TGM3: variants seen among roughly 807,000 people sequenced by gnomAD.
TGM3 encodes the protein protein-glutamine gamma-glutamyltransferase E.
TGM3 carries 52 observed loss-of-function variants against 73.8 expected under a neutral mutation model. That is an observed-to-expected ratio of 0.70 (90% CI 0.56 to 0.89). TGM3 has a LOEUF of 0.89. Ranked by LOEUF, TGM3 falls within the 40% of genes least tolerant of loss-of-function variation. The pLI is 0.00. For missense variants in TGM3, 928 were observed against 909.9 expected, an observed-to-expected ratio of 1.02 and a Z score of -0.26; for synonymous variants, 372 against 354.9, an observed-to-expected ratio of 1.05 and a Z score of -0.54.
At chr20:2,313,707 T>C (rs2084219209) in intron 5 of TGM3, among the ~76,000 whole-genome samples, 1 of 152,180 alleles carries the variant, frequency 6.6e-6, no homozygotes, top group South Asian at 2.1e-4. Flanking sequence ...AGAAGGCATC[T>C]ATGGCTCTGC....
At chr20:2,331,254 C>T (rs1158241491) in intron 9 of TGM3, among the ~76,000 whole-genome samples, 1 of 152,070 alleles carries the variant, frequency 6.6e-6, no homozygotes. Flanking sequence ...GGCTTGCAGT[C>T]GGTTACTCAG....
At chr20:2,324,055 T>C (rs1380378553) in intron 7 of TGM3, among the ~76,000 whole-genome samples, 1 of 152,244 alleles carries the variant, frequency 6.6e-6, no homozygotes, top group Non-Finnish European at 1.5e-5. Flanking sequence ...TTGATTTTTT[T>C]CAATCATTTG....
chr20:2,318,194 A>G (rs1285563906), intron 7 of TGM3, among the ~76,000 whole-genome samples: 1 of 151,896 alleles, frequency 6.6e-6, no homozygotes, highest in African/African-American at 2.4e-5. Flanking sequence ...TAATTTTTGT[A>G]TTTTAGTAGA....
intron 4 of TGM3, 27 bp downstream of exon 4, chr20:2,311,156 G>A (rs1476089217): frequency 4.4e-6 from 7 of 1,587,980 alleles, no homozygotes; most frequent in Admixed American, 3.3e-5. Context: ...GAAGCTAAGG[G>A]TAATGTCCCT....
rs1057023384 is a variant in TGM3 at position 2,328,457 on chromosome 20, C to G, written c.1333+92C>G. On this transcript the variant is annotated intron_variant, in intron 9 of 12. Coordinates refer to ENST00000381458, the MANE Select transcript of TGM3 (RefSeq NM_003245.4). This position sits in a 1 kb window ranked among gnomAD's most constrained non-coding sequence, Gnocchi z 5.2. ...GAGAGGAGAAAAGTCCTCACCTCCC[C>G]CGCACTGGCAGCCAGTTCTGCCTGA... 15 of 1,528,340 alleles carry G rather than the reference C, an allele frequency of 9.8e-6. No individual in the cohort carries two copies. The South Asian group carries it at 1.7e-4, about 18-fold the overall frequency. The allele number at this position is 1,528,340 out of a possible 1,614,324, so 94.7% of individuals were successfully genotyped here.
intron 1 of TGM3, 150 bp from the exon 2 acceptor site, chr20:2,309,507 G>T (rs948621487): frequency 2.7e-6 from 2 of 745,494 alleles, no homozygotes; most frequent in African/African-American, 1.7e-5. Flanking sequence ...CAAGATCAAG[G>T]TCTTTGGATT....
At chr20:2,309,891 C>T in intron 2 of TGM3, 61 bp downstream of exon 2, 1 of 1,599,524 alleles carries the variant, frequency 6.3e-7, no homozygotes, top group African/African-American at 1.3e-5. Flanking sequence ...CTTGTTCATT[C>T]AAGGACTGAC....
intron 11 of TGM3, among the ~76,000 whole-genome samples, chr20:2,336,580 C>G (rs949216505): frequency 6.7e-6 from 1 of 149,214 alleles, no homozygotes; most frequent in Non-Finnish European, 1.5e-5. Context: ...GATGCTGGCT[C>G]TGATGCCGGG....
rs769875976 is a variant in TGM3, at chr20:2,332,203, C to T, written c.1535C>T (p.Thr512Met). The change falls in exon 10 of 13, where the codon ACG (threonine) becomes ATG (methionine). Residue 512 changes from threonine to methionine, a missense_variant. Transcript: ENST00000381458. This position sits in a 1 kb window ranked among gnomAD's most constrained non-coding sequence, Gnocchi z 4.4. ...CTGCTCAAAAACCTGAGCAGGGATACGAAGACAGTGACAGTGAACATGACA... is the reference window on the plus strand; with the variant it reads ...CTGCTCAAAAACCTGAGCAGGGATATGAAGACAGTGACAGTGAACATGACA... The part of the protein sequence containing the change: ...VLLLKNLSRD[T>M]KTVTVNMTAW... The T allele has an allele frequency of 1.5e-5, 25 of 1,613,892 alleles. No individual in the cohort carries two copies. In the South Asian group the frequency reaches 1.9e-4, roughly 12 times the overall value.
chr20:2,332,860 G>T lies in TGM3; in HGVS notation c.1642+550G>T, dbSNP rs190468863. Among the ~76,000 whole-genome samples, 37 of 152,260 alleles carry T rather than the reference G, an allele frequency of 2.4e-4. No individual in the cohort carries two copies. The highest frequency in any genetic ancestry group is 2.0e-3 in the Admixed American group (30 of 15,288). On this transcript the variant is annotated intron_variant, in intron 10 of 12. Coordinates refer to ENST00000381458, the MANE Select transcript of TGM3 (RefSeq NM_003245.4). The surrounding 1 kb of genome is among the most constrained non-coding windows in gnomAD (Gnocchi z 4.4). ...GCTTTTCAAATTTGACCTCAGGAGG[G>T]TGGCAATGACCACGGGACCCTAAAC...
At chr20:2,321,087 C>T (rs1187489125) in intron 7 of TGM3, among the ~76,000 whole-genome samples, 1 of 152,200 alleles carries the variant, frequency 6.6e-6, no homozygotes, top group Non-Finnish European at 1.5e-5. Flanking sequence ...TCCACTAATC[C>T]TGAACTGGCT....
At chr20:2,331,049 A>G (rs944854773) in intron 9 of TGM3, among the ~76,000 whole-genome samples, 4 of 151,910 alleles carry the variant, frequency 2.6e-5, no homozygotes, top group Non-Finnish European at 5.9e-5. Flanking sequence ...AAAATAAAAA[A>G]AGAAAAGAAA....
chr20:2,310,175 C>T lies in TGM3; in HGVS notation c.182-3C>T, dbSNP rs764672732. On this transcript the variant is annotated splice_polypyrimidine_tract_variant and splice_region_variant and intron_variant, in intron 2 of 12. Transcript: ENST00000381458. ...TTTTCTCAACCTCTGTCTTCTTTGA[C>T]AGGGCCTTACCCCTCAGAGTCGGCC... 11 of 1,613,926 alleles carry T rather than the reference C, an allele frequency of 6.8e-6. No homozygotes were observed. The African/African-American group carries it at 8.0e-5, about 12-fold the overall frequency.
At chr20:2,296,174 T>C (rs2084105695) in intron 1 of TGM3, 104 bp downstream of exon 1, 1 of 1,426,780 alleles carries the variant, frequency 7.0e-7, no homozygotes, top group Non-Finnish European at 9.6e-7. Context: ...CTGCCTGCCT[T>C]GGGGGCTCTG....
At chr20:2,337,780 T>C (rs1397363704) in intron 11 of TGM3, among the ~76,000 whole-genome samples, 1 of 152,130 alleles carries the variant, frequency 6.6e-6, no homozygotes, top group East Asian at 1.9e-4. Context: ...TTATCCAATG[T>C]CCTCAAACCT....
rs976281997 is a variant in TGM3, at chr20:2,333,399, T to C, written c.1642+1089T>C. 5.3e-5 allele frequency among the ~76,000 whole-genome samples: 8 copies of C among 152,264 alleles called. No homozygotes were observed. In the East Asian group the frequency reaches 1.4e-3, roughly 26 times the overall value. On this transcript the variant is annotated intron_variant, in intron 10 of 12. Transcript: ENST00000381458. ...GTTTGTTTGTTTGTTTTTGTTTATT[T>C]GTTTTGTTTTTAGACAGGATCTTGC...
Position 2,334,746 on chromosome 20 carries a change from C to T in TGM3, c.1643-370C>T, listed in dbSNP as rs2084339073. The stretch of plus-strand genomic sequence containing the variant: ...ATCCCTTGAGTCCAGGAGTTTGAGA[C>T]CAGCCTGGACAACATAGAGAGACCC... On this transcript the variant is annotated intron_variant, in intron 10 of 12. Coordinates refer to ENST00000381458, the MANE Select transcript of TGM3 (RefSeq NM_003245.4). This position sits in a 1 kb window ranked among gnomAD's most constrained non-coding sequence, Gnocchi z 4.0. Among the ~76,000 whole-genome samples the T allele has an allele frequency of 6.6e-6, 1 of 152,094 alleles. No homozygotes were observed. The highest frequency in any genetic ancestry group is 2.4e-5 in the African/African-American group (1 of 41,394).
At chr20:2,305,567 G>A (rs1171599727) in intron 1 of TGM3, among the ~76,000 whole-genome samples, 1 of 152,206 alleles carries the variant, frequency 6.6e-6, no homozygotes, top group Non-Finnish European at 1.5e-5. Flanking sequence ...ACTGCGCATA[G>A]CAGTTGGCAT....
chr20:2,327,887 C>T (rs996252521), intron 8 of TGM3, among the ~76,000 whole-genome samples: 3 of 152,126 alleles, frequency 2.0e-5, no homozygotes, highest in African/African-American at 7.2e-5. Context: ...ATTAGGCGCC[C>T]GGAATGCGGA....
Sources: gnomAD v4.1 joint callset for allele counts (sites outside exome capture counted in the v4.1 genomes callset) on GRCh38, gnomAD v4.1.1 for gene constraint, Gnocchi (gnomAD v3.1) non-coding constraint, MANE v1.5 for transcripts, NCBI Gene and HGNC (gene_info 2026-07-23, HGNC 2026-07-21) for gene names.